Variants in MIPOL1 observed in about 807,000 individuals in gnomAD.
MIPOL1 encodes mirror-image polydactyly gene 1 protein.
Under a neutral mutation model 60.9 loss-of-function variants are expected in MIPOL1, and 57 were observed. That is an observed-to-expected ratio of 0.94 (90% CI 0.76 to 1.17). MIPOL1 has a LOEUF of 1.17. Ranked by LOEUF, MIPOL1 falls within the 50% of genes most tolerant of loss-of-function variation. The pLI is 0.00. For synonymous variants in MIPOL1, 179 were observed against 168.8 expected (o/e 1.06, Z -0.47); for missense variants, 551 against 511.6 (o/e 1.08, Z -0.74).
intron 9 of MIPOL1, among the ~76,000 whole-genome samples, chr14:37,311,935 T>C (rs775124175): frequency 6.6e-6 from 1 of 152,154 alleles, no homozygotes; most frequent in African/African-American, 2.4e-5. Context: ...TGTGACAGCC[T>C]ATTCATCTTT....
chr14:37,351,771 G>A (rs1347539281), intron 9 of MIPOL1, among the ~76,000 whole-genome samples: 2 of 115,842 alleles, frequency 1.7e-5, no homozygotes, highest in African/African-American at 3.3e-5. Context: ...TTTTTTTCTT[G>A]TAAATTTGTT....
At chr14:37,302,803 T>C (rs1393501548) in intron 7 of MIPOL1, among the ~76,000 whole-genome samples, 1 of 151,878 alleles carries the variant, frequency 6.6e-6, no homozygotes, top group Non-Finnish European at 1.5e-5. Flanking sequence ...TATATGTTAA[T>C]CCCTTTGTCA....
chr14:37,289,758 C>G (rs1419812705), intron 7 of MIPOL1, among the ~76,000 whole-genome samples: 1 of 152,126 alleles, frequency 6.6e-6, no homozygotes. Flanking sequence ...TGGTGATGAA[C>G]TTAACTGCCA....
chr14:37,523,753 C>T (rs1566771288), intron 12 of MIPOL1, among the ~76,000 whole-genome samples: 1 of 152,080 alleles, frequency 6.6e-6, no homozygotes, highest in Non-Finnish European at 1.5e-5. Flanking sequence ...GTAAATCTTT[C>T]AGGAGAGACA....
At chr14:37,275,128 T>TA (rs1018404444) in intron 6 of MIPOL1, among the ~76,000 whole-genome samples, 1 of 151,022 alleles carries the variant, frequency 6.6e-6, no homozygotes, top group Non-Finnish European at 1.5e-5. Flanking sequence ...TTAAAATCTC[T>TA]AAAAAAAAGT....
chr14:37,219,723 C>A (rs1968414792), intron 1 of MIPOL1: 1 of 152,162 alleles, frequency 6.6e-6, no homozygotes, highest in African/African-American at 2.4e-5. Context: ...TACTGATTTT[C>A]TGAGCATGTA....
At chr14:37,318,807 A>AG (rs1319113346) in intron 9 of MIPOL1, among the ~76,000 whole-genome samples, 49 of 80,308 alleles carry the variant, frequency 6.1e-4, no homozygotes, top group East Asian at 3.9e-3. Context: ...TTATTTATTT[A>AG]TTTATTTATT....
At chr14:37,219,409 C>G (rs1300622971) in intron 1 of MIPOL1, 2 of 152,196 alleles carry the variant, frequency 1.3e-5, no homozygotes, top group African/African-American at 4.8e-5. Context: ...GTCACACAGG[C>G]TAGAGTACAG....
chr14:37,254,601 G>C (rs1006158039), intron 3 of MIPOL1, among the ~76,000 whole-genome samples: 9 of 151,742 alleles, frequency 5.9e-5, no homozygotes, highest in Non-Finnish European at 3.0e-5. Flanking sequence ...TTGTACATTT[G>C]TTACAACCAG....
chr14:37,440,350 G>C (rs1188363618), intron 11 of MIPOL1, among the ~76,000 whole-genome samples: 2 of 152,116 alleles, frequency 1.3e-5, no homozygotes, highest in African/African-American at 4.8e-5. Context: ...GATCAGATAA[G>C]GACTTTTAGG....
chr14:37,461,075 G>A (rs1167754058), intron 11 of MIPOL1, among the ~76,000 whole-genome samples: 8 of 152,132 alleles, frequency 5.3e-5, no homozygotes, highest in African/African-American at 1.9e-4. Context: ...GGACAAAGCT[G>A]GTGGAGGCAT....
intron 11 of MIPOL1, among the ~76,000 whole-genome samples, chr14:37,462,037 AC>A (rs1473180900): frequency 6.6e-6 from 1 of 151,942 alleles, no homozygotes; most frequent in African/African-American, 2.4e-5. Context: ...AGGGGCTCCC[AC>A]CCCACATTTC....
intron 10 of MIPOL1, among the ~76,000 whole-genome samples, chr14:37,414,296 C>T (rs2093727669): frequency 6.6e-6 from 1 of 152,068 alleles, no homozygotes; most frequent in African/African-American, 2.4e-5. Context: ...ATACACCCAC[C>T]CAAAATGTAA....
intron 11 of MIPOL1, among the ~76,000 whole-genome samples, chr14:37,447,034 C>A (rs1428430848): frequency 1.3e-5 from 2 of 151,656 alleles, no homozygotes; most frequent in Non-Finnish European, 2.9e-5. Flanking sequence ...TGTAACTAAC[C>A]TGCACATTGT....
intron 7 of MIPOL1, among the ~76,000 whole-genome samples, chr14:37,296,079 A>G (rs1297244941): frequency 4.6e-5 from 7 of 152,212 alleles, no homozygotes; most frequent in Non-Finnish European, 8.8e-5. Flanking sequence ...GCAAATGTAA[A>G]AGAACAGAAA....
chr14:37,362,797 T>C (rs1321075411), intron 9 of MIPOL1, among the ~76,000 whole-genome samples: 1 of 152,158 alleles, frequency 6.6e-6, no homozygotes, highest in Non-Finnish European at 1.5e-5. Context: ...CTTGGAGGCT[T>C]TGTTTGTTTC....
At chr14:37,356,879 C>T (rs191819440) in intron 9 of MIPOL1, among the ~76,000 whole-genome samples, 129 of 152,306 alleles carry the variant, frequency 8.5e-4, no homozygotes, top group South Asian at 1.2e-3. Context: ...CCGTCGGCCA[C>T]GCTGGGAGCT....
rs2095558913 is a variant in MIPOL1 at position 37,550,426 on chromosome 14, A to C, written c.*3455A>C. The C allele has an allele frequency of 6.6e-6, 1 of 151,150 alleles. No homozygotes were observed. Among genetic ancestry groups the C allele is most frequent in the South Asian group, 2.1e-4 (1 of 4,818 alleles). The allele number at this position is 151,150 out of a possible 1,614,324, so 9.4% of individuals were successfully genotyped here. A position where few individuals can be genotyped will look rare whatever the true frequency, so the allele number is the denominator to read the frequency against. ...TCACATATGATGTGTTTGGAACCCA[A>C]ATTTTTTACTGATTTTATTGTGTTG... On this transcript the variant is annotated 3_prime_UTR_variant, in exon 13 of 13. Transcript: ENST00000684589.
intron 6 of MIPOL1, among the ~76,000 whole-genome samples, chr14:37,275,679 A>T (rs542918502): frequency 6.9e-4 from 104 of 151,302 alleles, no homozygotes; most frequent in Admixed American, 1.6e-3. Flanking sequence ...AATTTTACGT[A>T]AAAGTATTTA....
Sources: gnomAD v4.1 joint callset for allele counts (sites outside exome capture counted in the v4.1 genomes callset) on GRCh38, gnomAD v4.1.1 for gene constraint, MANE v1.5 for transcripts, NCBI Gene and HGNC (gene_info 2026-07-23, HGNC 2026-07-21) for gene names.